The following ZC3HAV1 variants were observed in gnomAD, a reference collection of about 807,000 sequenced individuals.
ZC3HAV1 encodes the protein zinc finger CCCH-type antiviral protein 1.
ZC3HAV1 carries 41 observed loss-of-function variants against 86.6 expected under a neutral mutation model. That is an observed-to-expected ratio of 0.47 (90% CI 0.37 to 0.61). The LOEUF is 0.61. Among genes scored for constraint, ZC3HAV1 ranks in the 20% least tolerant of loss-of-function variants. The pLI is 0.00. For missense variants in ZC3HAV1, 964 were observed against 1,141.1 expected (o/e 0.84, Z 2.24); for synonymous variants, 421 against 432.1 (o/e 0.97, Z 0.32).
chr7:139,061,877 T>C (rs1816453044), intron 8 of ZC3HAV1, among the ~76,000 whole-genome samples: 1 of 152,232 alleles, frequency 6.6e-6, no homozygotes, highest in African/African-American at 2.4e-5. Context: ...TTATTACTTA[T>C]TCCTCAGTGA....
At chr7:139,073,203 G>A (rs1289871427) in intron 7 of ZC3HAV1, among the ~76,000 whole-genome samples, 2 of 152,080 alleles carry the variant, frequency 1.3e-5, no homozygotes, top group Non-Finnish European at 2.9e-5. Flanking sequence ...GGAGGCTGAG[G>A]CAGGAAGATC....
At chr7:139,082,160 G>A (rs1160766706) in intron 3 of ZC3HAV1, among the ~76,000 whole-genome samples, 1 of 152,096 alleles carries the variant, frequency 6.6e-6, no homozygotes, top group Non-Finnish European at 1.5e-5. Flanking sequence ...AGCTACTTGG[G>A]AGACTGAAGC....
chr7:139,049,012 G>T (rs1584832809), intron 12 of ZC3HAV1, among the ~76,000 whole-genome samples: 1 of 151,902 alleles, frequency 6.6e-6, no homozygotes, highest in African/African-American at 2.4e-5. Flanking sequence ...GTGGTTTATG[G>T]TGGTTTACTT....
At chr7:139,106,489 C>T (rs1817939871) in intron 1 of ZC3HAV1, among the ~76,000 whole-genome samples, 1 of 152,130 alleles carries the variant, frequency 6.6e-6, no homozygotes, top group Non-Finnish European at 1.5e-5. Context: ...TGGCACACAC[C>T]TATAATCCCA....
At position 139,072,169 on chromosome 7, in the gene ZC3HAV1, G is replaced by A. The variant is rs373541309; in HGVS notation, c.1872+1687C>T. Among the ~76,000 whole-genome samples, 117 of 151,972 alleles carry A rather than the reference G, an allele frequency of 7.7e-4. No individual in the cohort carries two copies. In the South Asian group the frequency reaches 0.018, roughly 23 times the overall value. On this transcript the variant is annotated intron_variant, in intron 7 of 12. Coordinates refer to ENST00000242351, the MANE Select transcript of ZC3HAV1 (RefSeq NM_020119.4). ...CCAACCTAAATATGTAGAACCTTAC[G>A]CTGCCATTCCTTTGTCCCTGCATTA...
chr7:139,052,606 CAAAAAAAAA>C (rs35386659), intron 12 of ZC3HAV1, among the ~76,000 whole-genome samples: 2 of 64,962 alleles, frequency 3.1e-5, no homozygotes, highest in Non-Finnish European at 7.1e-5. Flanking sequence ...ACTCTGTCTC[CAAAAAAAAA>C]AAAAAAAAAA....
chr7:139,048,554 G>T (rs1354902451), intron 12 of ZC3HAV1, among the ~76,000 whole-genome samples: 2 of 151,944 alleles, frequency 1.3e-5, no homozygotes, highest in Non-Finnish European at 2.9e-5. Context: ...AGTAAGCTAG[G>T]ATCATACCAC....
intron 1 of ZC3HAV1, among the ~76,000 whole-genome samples, chr7:139,098,102 G>A (rs1301584667): frequency 6.6e-6 from 1 of 151,944 alleles, no homozygotes; most frequent in Non-Finnish European, 1.5e-5. Flanking sequence ...ACGCCACCAT[G>A]CCCAGCTAAA....
intron 1 of ZC3HAV1, among the ~76,000 whole-genome samples, chr7:139,090,136 G>A (rs897225745): frequency 1.2e-4 from 19 of 152,006 alleles, no homozygotes; most frequent in Non-Finnish European, 2.5e-4. Context: ...AGCCAGGCTG[G>A]TCTTGAACTC....
intron 1 of ZC3HAV1, among the ~76,000 whole-genome samples, chr7:139,093,645 C>A (rs900519913): frequency 3.9e-5 from 6 of 152,186 alleles, no homozygotes; most frequent in Non-Finnish European, 8.8e-5. Context: ...AGAGAACAAC[C>A]CCCTTTGACT....
chr7:139,107,914 C>T (rs1229841849), intron 1 of ZC3HAV1, among the ~76,000 whole-genome samples: 1 of 152,208 alleles, frequency 6.6e-6, no homozygotes, highest in Non-Finnish European at 1.5e-5. Context: ...GGAGGAAAGA[C>T]TGGCCATTCA....
rs144929246 is a variant in ZC3HAV1, at chr7:139,053,488, A to G, written c.2412T>C (p.Ser804=). The G allele has an allele frequency of 5.4e-5, 87 of 1,602,670 alleles. 2 individuals are homozygous for G. The African/African-American group carries it at 9.5e-4, about 18-fold the overall frequency. Residue 804 remains serine, a synonymous_variant, in exon 12 of 13, where the codon AGT becomes AGC. Coordinates refer to ENST00000242351, the MANE Select transcript of ZC3HAV1 (RefSeq NM_020119.4). Reference sequence around the variant, plus strand: ...TGTTTTCATGAGTTTCATGTAGGAAACTGTCAAAATTATTCGAACAGATAG... The same window carrying G: ...TGTTTTCATGAGTTTCATGTAGGAAGCTGTCAAAATTATTCGAACAGATAG... ...VESICSNNFD[S]FLHETHENKY... is the part of the protein sequence containing the mutation.
At chr7:139,091,385 G>C (rs917915870) in intron 1 of ZC3HAV1, among the ~76,000 whole-genome samples, 3 of 152,010 alleles carry the variant, frequency 2.0e-5, no homozygotes, top group African/African-American at 7.2e-5. Flanking sequence ...GGAGAATGGC[G>C]TGAACCCGGA....
intron 9 of ZC3HAV1, among the ~76,000 whole-genome samples, chr7:139,056,564 A>G (rs1816293317): frequency 6.6e-6 from 1 of 151,636 alleles, no homozygotes; most frequent in African/African-American, 2.4e-5. Flanking sequence ...ACACCTGTCT[A>G]ACTTTTTAAA....
In ZC3HAV1 at chr7:139,105,049, A is replaced by G. The variant is rs376954530; in HGVS notation, c.308+3975T>C. Among the ~76,000 whole-genome samples the G allele has an allele frequency of 7.9e-4, 120 of 150,998 alleles. 1 individual carries two copies. The highest frequency in any genetic ancestry group is 2.9e-3 in the South Asian group (14 of 4,778). Reference sequence around the variant, plus strand: ...CTCTGTCTCAAAAAAAAAAAAAAAAAAAAAGAAAAGAAAAGTTAGCCGGAC... The same window carrying G: ...CTCTGTCTCAAAAAAAAAAAAAAAAGAAAAGAAAAGAAAAGTTAGCCGGAC... On this transcript the variant is annotated intron_variant, in intron 1 of 12. Coordinates refer to ENST00000242351, the MANE Select transcript of ZC3HAV1 (RefSeq NM_020119.4).
intron 8 of ZC3HAV1, among the ~76,000 whole-genome samples, chr7:139,062,587 G>A (rs1816475963): frequency 6.6e-6 from 1 of 152,168 alleles, no homozygotes; most frequent in South Asian, 2.1e-4. Flanking sequence ...TTGTTTACTT[G>A]ACCATTGTCT....
intron 1 of ZC3HAV1, among the ~76,000 whole-genome samples, chr7:139,095,246 C>G (rs190462427): frequency 2.6e-4 from 39 of 152,202 alleles, no homozygotes; most frequent in African/African-American, 9.2e-4. Context: ...TTTAAAGCCA[C>G]GAGGCTCCTA....
intron 1 of ZC3HAV1, among the ~76,000 whole-genome samples, chr7:139,101,490 C>T (rs1430053896): frequency 5.6e-5 from 6 of 108,084 alleles, no homozygotes; most frequent in South Asian, 3.4e-4. Context: ...CTCAGCCCGG[C>T]CACCACCCCG....
At chr7:139,059,719 T>G (rs1816390851) in intron 9 of ZC3HAV1, among the ~76,000 whole-genome samples, 1 of 152,128 alleles carries the variant, frequency 6.6e-6, no homozygotes, top group Non-Finnish European at 1.5e-5. Flanking sequence ...ATTAGGCAGT[T>G]AGTGGCAGAA....
Sources: allele counts gnomAD v4.1 joint callset (sites outside exome capture counted in the v4.1 genomes callset), GRCh38; gene constraint gnomAD v4.1.1; transcripts MANE v1.5; gene names NCBI Gene and HGNC (gene_info 2026-07-23, HGNC 2026-07-21).